The following EP400 variants were observed in gnomAD, a reference collection of about 807,000 sequenced individuals.
EP400 encodes the protein E1A-binding protein p400.
Under a neutral mutation model 354.1 loss-of-function variants are expected in EP400, and 105 were observed. That is an observed-to-expected ratio of 0.30 (90% CI 0.25 to 0.35). The LOEUF is 0.35. Among genes scored for constraint, EP400 ranks in the 10% least tolerant of loss-of-function variants. The pLI is 1.00. For synonymous variants in EP400, 1,646 were observed against 1,716.9 expected, an observed-to-expected ratio of 0.96 and a Z score of 1.02; for missense variants, 3,280 against 4,121.0, an observed-to-expected ratio of 0.80 and a Z score of 5.59.
chr12:132,069,338 G>A, intron 50 of EP400, 157 bp from the exon 51 acceptor site: 1 of 1,039,144 alleles, frequency 9.6e-7, no homozygotes, highest in Non-Finnish European at 1.4e-6. Flanking sequence ...GGCAGGGATG[G>A]GACAGGGGGC....
At chr12:132,051,806 C>G (rs970462518) in intron 41 of EP400, among the ~76,000 whole-genome samples, 1 of 151,952 alleles carries the variant, frequency 6.6e-6, no homozygotes, top group East Asian at 1.9e-4. Flanking sequence ...TCTCTAAACT[C>G]CCCTGGGGAA....
intron 1 of EP400, among the ~76,000 whole-genome samples, chr12:131,952,964 C>A (rs1222007964): frequency 6.6e-6 from 1 of 152,164 alleles, no homozygotes; most frequent in Non-Finnish European, 1.5e-5. Context: ...TCTCCCCATT[C>A]ATCAGCTCCC....
chr12:132,009,830 A>ATTT (rs35513772), intron 15 of EP400, among the ~76,000 whole-genome samples: 1,412 of 79,676 alleles, frequency 0.018, 33 homozygotes, highest in African/African-American at 0.029. Flanking sequence ...CGCCTGGCTA[A>ATTT]TTTTTTTTTT....
chr12:132,061,601 C>T (rs985042458), intron 45 of EP400, among the ~76,000 whole-genome samples: 5 of 152,156 alleles, frequency 3.3e-5, no homozygotes, highest in Admixed American at 6.5e-5. Context: ...CTTCTGCCTG[C>T]GGGCCAGAGT....
At chr12:132,011,759 T>G (rs1215788202) in intron 16 of EP400, 125 bp downstream of exon 16, 10 of 1,209,288 alleles carry the variant, frequency 8.3e-6, no homozygotes, top group Non-Finnish European at 1.1e-5. Flanking sequence ...CATTCATGAG[T>G]TAACAGACCT....
chr12:132,041,073 C>T (rs185769381), intron 32 of EP400, among the ~76,000 whole-genome samples: 2 of 152,148 alleles, frequency 1.3e-5, no homozygotes, highest in African/African-American at 2.4e-5. Context: ...GATGGCTGCT[C>T]CTCACTGGCT....
At chr12:131,968,468 A>G (rs1016414391) in intron 2 of EP400, among the ~76,000 whole-genome samples, 3 of 152,222 alleles carry the variant, frequency 2.0e-5, no homozygotes, top group Non-Finnish European at 4.4e-5. Flanking sequence ...TATTGTGATT[A>G]CTATAGCTTT....
intron 24 of EP400, among the ~76,000 whole-genome samples, chr12:132,024,515 A>T (rs934988598): frequency 1.4e-4 from 22 of 152,226 alleles, no homozygotes; most frequent in African/African-American, 5.3e-4. Flanking sequence ...TAACTCCCAG[A>T]CCCAAAGCCC....
intron 1 of EP400, among the ~76,000 whole-genome samples, chr12:131,955,532 T>G (rs1891666391): frequency 1.3e-5 from 2 of 152,348 alleles, no homozygotes; most frequent in Admixed American, 1.3e-4. Context: ...TCCACCCGCC[T>G]CAGCCTCCCA....
Position 131,982,262 on chromosome 12 carries a change from C to G in EP400, c.1713C>G (p.Leu571=). The change falls in exon 5 of 53, where the codon CTC becomes CTG. Residue 571 remains leucine (L), a synonymous_variant. Transcript: ENST00000389561. ...CAGCCGGTGTTCCCACTGCAGCCCTCTCCTCTGCGCTGCAGTTTGCACAGC... is the reference window on the plus strand; with the variant it reads ...CAGCCGGTGTTCCCACTGCAGCCCTGTCCTCTGCGCTGCAGTTTGCACAGC... ...LPPAGVPTAA[L]SSALQFAQQP... The G allele has an allele frequency of 4.3e-6, 7 of 1,614,216 alleles. No individual in the cohort carries two copies. The highest frequency in any genetic ancestry group is 5.9e-6 in the Non-Finnish European group (7 of 1,180,036).
chr12:132,021,646 C>T (rs1894126858), intron 23 of EP400, among the ~76,000 whole-genome samples: 1 of 152,260 alleles, frequency 6.6e-6, no homozygotes, highest in African/African-American at 2.4e-5. Flanking sequence ...TTCCACCAGC[C>T]ACACAGGTGC....
At chr12:132,061,033 A>C (rs540611822) in intron 45 of EP400, among the ~76,000 whole-genome samples, 11 of 152,238 alleles carry the variant, frequency 7.2e-5, no homozygotes, top group Non-Finnish European at 1.6e-4. Flanking sequence ...AGGTGTTCCC[A>C]GCTGGAAGTG....
chr12:132,017,868 A>G lies in EP400; in HGVS notation c.4110+147A>G. The G allele has an allele frequency of 1.0e-6, 1 of 955,722 alleles. No individual in the cohort carries two copies. Among genetic ancestry groups the G allele is most frequent in the Non-Finnish European group, 1.5e-6 (1 of 657,934 alleles). The allele number at this position is 955,722 out of a possible 1,614,324, so 59.2% of individuals were successfully genotyped here. A position where few individuals can be genotyped will look rare whatever the true frequency, so the allele number is the denominator to read the frequency against. ...GCGATACATGGCACCGTCTAGCAGC[A>G]CTGATGGCCTGCCACCCCTTGCCGG... On this transcript the variant is annotated intron_variant, in intron 20 of 52. Transcript: ENST00000389561. This position sits in a 1 kb window ranked among gnomAD's most constrained non-coding sequence, Gnocchi z 5.0.
intron 12 of EP400, among the ~76,000 whole-genome samples, chr12:131,997,179 C>A (rs1227948002): frequency 6.6e-6 from 1 of 152,118 alleles, no homozygotes; most frequent in African/African-American, 2.4e-5. Flanking sequence ...CTTTTGACTC[C>A]TTCAAAACTT....
chr12:132,073,919 G>GGTTTTTTTTTTTTTTTTTTTTTTTTTT (rs1896143100), intron 51 of EP400, among the ~76,000 whole-genome samples: 1 of 82,126 alleles, frequency 1.2e-5, no homozygotes, highest in African/African-American at 5.7e-5. Context: ...GTTTTTTGGG[G>GGTTTTTTTTTTTTTTTTTTTTTTTTTT]TTTTTTTTTT....
At chr12:132,016,732 T>C (rs550833436) in intron 19 of EP400, among the ~76,000 whole-genome samples, 58 of 152,206 alleles carry the variant, frequency 3.8e-4, no homozygotes, top group Non-Finnish European at 7.2e-4. Context: ...GCACTTGAGC[T>C]GACCCTTGAG....
At chr12:131,952,884 A>G (rs1354261996) in intron 1 of EP400, among the ~76,000 whole-genome samples, 1 of 152,108 alleles carries the variant, frequency 6.6e-6, no homozygotes, top group Non-Finnish European at 1.5e-5. Context: ...TAACACATGA[A>G]CAGTTCACAT....
Position 132,029,367 on chromosome 12 carries a change from G to C in EP400, c.5382-334G>C, listed in dbSNP as rs1894408409. The C allele has an allele frequency of 2.7e-6, 1 of 374,392 alleles. No individual in the cohort carries two copies. Among genetic ancestry groups the C allele is most frequent in the Middle Eastern group, 7.3e-4 (1 of 1,368 alleles). 23.2% of individuals were successfully genotyped at this position (374,392 alleles called of 1,614,324 possible). On this transcript the variant is annotated intron_variant, in intron 27 of 52. Transcript: ENST00000389561. This position sits in a 1 kb window ranked among gnomAD's most constrained non-coding sequence, Gnocchi z 4.7. Reference sequence around the variant, plus strand: ...AGGGTCCACGAGACAGTGCACCTTTGTCCCAAAGTTTCCAGCTGAAGACAC... The same window carrying C: ...AGGGTCCACGAGACAGTGCACCTTTCTCCCAAAGTTTCCAGCTGAAGACAC...
intron 2 of EP400, among the ~76,000 whole-genome samples, chr12:131,974,088 C>T (rs952549524): frequency 6.6e-6 from 1 of 151,528 alleles, no homozygotes; most frequent in African/African-American, 2.4e-5. Context: ...AAGCGATTCT[C>T]CCACCTCAGC....
Sources: gnomAD v4.1 joint callset for allele counts (sites outside exome capture counted in the v4.1 genomes callset) on GRCh38, gnomAD v4.1.1 for gene constraint, Gnocchi (gnomAD v3.1) non-coding constraint, MANE v1.5 for transcripts, NCBI Gene and HGNC (gene_info 2026-07-23, HGNC 2026-07-21) for gene names.